SIM2: variants seen among roughly 807,000 people sequenced by gnomAD.
SIM2 encodes the protein single-minded homolog 2.
In SIM2, 28 loss-of-function variants were observed where a neutral mutation model predicts 64.8. The observed-to-expected ratio is 0.43, with a 90% CI of 0.32 to 0.59. The LOEUF (loss-of-function observed/expected upper bound fraction) is 0.59. SIM2 is among the 20% of genes least tolerant of loss of function. SIM2 has a pLI of 0.07. For missense variants in SIM2, 847 were observed against 871.4 expected, an observed-to-expected ratio of 0.97 and a Z score of 0.35; for synonymous variants, 408 against 391.1, an observed-to-expected ratio of 1.04 and a Z score of -0.51.
At chr21:36,731,365 ACT>A (rs1203781517) in intron 7 of SIM2, among the ~76,000 whole-genome samples, 4 of 152,002 alleles carry the variant, frequency 2.6e-5, no homozygotes, top group Non-Finnish European at 5.9e-5. Context: ...TTTCAGGGAG[ACT>A]CTAGCAGGTG....
intron 1 of SIM2, among the ~76,000 whole-genome samples, chr21:36,708,228 C>T (rs1427070444): frequency 6.6e-6 from 1 of 152,294 alleles, no homozygotes; most frequent in African/African-American, 2.4e-5. Context: ...TCCCAGCCCG[C>T]GCTAAGCGCC....
intron 7 of SIM2, among the ~76,000 whole-genome samples, chr21:36,739,755 C>T (rs889952353): frequency 1.3e-5 from 2 of 152,102 alleles, no homozygotes; most frequent in African/African-American, 4.8e-5. Context: ...CGCCGTGGCT[C>T]ACACCTGCAA....
At chr21:36,702,818 C>T (rs997429652) in intron 1 of SIM2, among the ~76,000 whole-genome samples, 1 of 151,592 alleles carries the variant, frequency 6.6e-6, no homozygotes, top group Non-Finnish European at 1.5e-5. Flanking sequence ...CAGATCGCCT[C>T]GGGCTCTCAG....
In SIM2 at chr21:36,705,738, G is replaced by C. The variant is rs1465010757; in HGVS notation, c.176-3430G>C. Among the ~76,000 whole-genome samples, 3 of 152,324 alleles carry C rather than the reference G, an allele frequency of 2.0e-5. No individual in the cohort carries two copies. The East Asian group carries it at 5.8e-4, about 29-fold the overall frequency. On this transcript the variant is annotated intron_variant, in intron 1 of 10. Transcript: ENST00000290399. ...CCGTTCTGGATTTACCACACTCCCA[G>C]GTCCGATTTTCCATGGAGGGCTGGG...
chr21:36,739,992 G>T (rs1183305240), intron 7 of SIM2, among the ~76,000 whole-genome samples: 1 of 99,368 alleles, frequency 1.0e-5, no homozygotes, highest in Admixed American at 1.0e-4. Context: ...AGAAAGAAGA[G>T]AAGAAAGAAA....
chr21:36,712,768 C>A, intron 3 of SIM2, 146 bp downstream of exon 3: 1 of 598,236 alleles, frequency 1.7e-6, no homozygotes. Context: ...ATCCTCTTCT[C>A]AGGACATCCT....
At position 36,745,701 on chromosome 21, in the gene SIM2, G is replaced by A; in HGVS notation, c.1576+565G>A. ...GTAAAATGGGGTGAAGCTGTGATGT[G>A]CCTACTCCCAAGGACACGACACACA... is the stretch of plus-strand genomic sequence containing the variant. On this transcript the variant is annotated intron_variant, in intron 10 of 10. Transcript: ENST00000290399. The surrounding 1 kb of genome is among the most constrained non-coding windows in gnomAD (Gnocchi z 4.8). 1 of 1,247,748 alleles carries A rather than the reference G, an allele frequency of 8.0e-7. No homozygotes were observed. Among genetic ancestry groups the A allele is most frequent in the Non-Finnish European group, 1.1e-6 (1 of 950,602 alleles). 77.3% of individuals were successfully genotyped at this position (1,247,748 alleles called of 1,614,324 possible).
At chr21:36,703,396 A>G (rs952589639) in intron 1 of SIM2, among the ~76,000 whole-genome samples, 1 of 152,162 alleles carries the variant, frequency 6.6e-6, no homozygotes, top group Non-Finnish European at 1.5e-5. Flanking sequence ...GCTGTGATGA[A>G]GGGTGAGGTC....
At chr21:36,725,768 G>T (rs1186932948) in intron 5 of SIM2, among the ~76,000 whole-genome samples, 1 of 152,112 alleles carries the variant, frequency 6.6e-6, no homozygotes, top group African/African-American at 2.4e-5. Flanking sequence ...CTATAGGCAT[G>T]CACCACCATG....
At position 36,749,101 on chromosome 21, in the gene SIM2, G is replaced by GT. The variant is rs1268849274; in HGVS notation, c.*1010dup. The GT allele has an allele frequency of 1.3e-5, 2 of 152,748 alleles. No homozygotes were observed. Among genetic ancestry groups the GT allele is most frequent in the Non-Finnish European group, 2.9e-5 (2 of 68,028 alleles). 9.5% of individuals were successfully genotyped at this position (152,748 alleles called of 1,614,324 possible). ...ATTTTCTACACAGCGAGAAAACTTC[G>GT]TAAGAACATGTTACGTGTGCAACAG... On this transcript the variant is annotated 3_prime_UTR_variant, in exon 11 of 11. Coordinates refer to ENST00000290399, the MANE Select transcript of SIM2 (RefSeq NM_005069.6).
At chr21:36,712,909 T>C (rs2088696774) in intron 3 of SIM2, among the ~76,000 whole-genome samples, 1 of 152,226 alleles carries the variant, frequency 6.6e-6, no homozygotes, top group South Asian at 2.1e-4. Flanking sequence ...TATCTGCTTA[T>C]GTAGTAATGC....
intron 2 of SIM2, among the ~76,000 whole-genome samples, chr21:36,710,996 C>T (rs926821204): frequency 2.6e-5 from 4 of 152,188 alleles, no homozygotes; most frequent in African/African-American, 9.7e-5. Flanking sequence ...AGTCAACACC[C>T]CCAGACTTCT....
chr21:36,747,578 G>C lies in SIM2; in HGVS notation c.1577-87G>C. The C allele has an allele frequency of 1.0e-6, 1 of 984,796 alleles. No individual in the cohort carries two copies. The highest frequency in any genetic ancestry group is 1.3e-6 in the Non-Finnish European group (1 of 788,402). 61.0% of individuals were successfully genotyped at this position (984,796 alleles called of 1,614,324 possible). A position where few individuals can be genotyped will look rare whatever the true frequency, so the allele number is the denominator to read the frequency against. ...GCGGGTGCAGCGCGTGGGCGGCCGA[G>C]GGGTGGTGGCTGCGCCCGGGGCTTG... On this transcript the variant is annotated intron_variant, in intron 10 of 10. Transcript: ENST00000290399. The surrounding 1 kb of genome is among the most constrained non-coding windows in gnomAD (Gnocchi z 4.5).
chr21:36,725,132 G>A (rs1389033115), intron 5 of SIM2, among the ~76,000 whole-genome samples: 1 of 152,162 alleles, frequency 6.6e-6, no homozygotes, highest in Non-Finnish European at 1.5e-5. Context: ...GATTGCTTGA[G>A]CCCAGGGGTT....
At chr21:36,721,550 C>T (rs1349438803) in intron 4 of SIM2, among the ~76,000 whole-genome samples, 1 of 152,100 alleles carries the variant, frequency 6.6e-6, no homozygotes, top group African/African-American at 2.4e-5. Flanking sequence ...AGCGATTCTC[C>T]TGCCTCAGCC....
At chr21:36,728,443 TG>T (rs2088921965) in intron 6 of SIM2, among the ~76,000 whole-genome samples, 1 of 152,166 alleles carries the variant, frequency 6.6e-6, no homozygotes, top group Non-Finnish European at 1.5e-5. Flanking sequence ...AGGGCCTGGA[TG>T]GGGCTTTGCA....
Position 36,712,611 on chromosome 21 carries a change from G to A in SIM2, c.337G>A (p.Gly113Ser). The A allele has an allele frequency of 6.2e-7, 1 of 1,611,712 alleles. No individual in the cohort carries two copies. Among genetic ancestry groups the A allele is most frequent in the Middle Eastern group, 1.7e-4 (1 of 6,052 alleles). ...ATCCGAGACCGCTTCTGTCCATTTA[G>A]GCTTATCCCAGGTGGGTATTGCCTA... is the stretch of plus-strand genomic sequence containing the variant. ...YISETASVHL[G>S]LSQVELTGNS... The change falls in exon 3 of 11, where the codon GGC (glycine) becomes AGC (serine). Residue 113 changes from glycine (G) to serine (S), a missense_variant. Transcript: ENST00000290399.
chr21:36,746,558 C>T (rs2089229452), intron 10 of SIM2, among the ~76,000 whole-genome samples: 1 of 152,170 alleles, frequency 6.6e-6, no homozygotes, highest in East Asian at 1.9e-4. Flanking sequence ...CGGGAGAATG[C>T]CGCCTTTCTG....
At position 36,743,496 on chromosome 21, in the gene SIM2, G is replaced by T; in HGVS notation, c.1108G>T (p.Val370Leu). Residue 370 changes from valine (V) to leucine (L), a missense_variant, in exon 9 of 11, where the codon GTG becomes TTG. Transcript: ENST00000290399. ...TACCTCACAAGAAACTAGGAAATTA[G>T]TGAAACCCAAAAATACCAAGATGAA... ...LSTSQETRKL[V>L]KPKNTKMKTK... 6.2e-7 allele frequency: 1 copy of T among 1,614,118 alleles called. No homozygotes were observed. Among genetic ancestry groups the T allele is most frequent in the East Asian group, 2.2e-5 (1 of 44,880 alleles).
Sources: gnomAD v4.1 joint callset for allele counts (sites outside exome capture counted in the v4.1 genomes callset) on GRCh38, gnomAD v4.1.1 for gene constraint, Gnocchi (gnomAD v3.1) non-coding constraint, MANE v1.5 for transcripts, NCBI Gene and HGNC (gene_info 2026-07-23, HGNC 2026-07-21) for gene names.